LYPD1: variants seen among roughly 807,000 people sequenced by gnomAD.
LYPD1 encodes the protein LY6/PLAUR domain containing 1.
A neutral mutation model predicts 14.2 loss-of-function variants in LYPD1; 14 were observed. The ratio of observed to expected loss-of-function variants is 0.99; its 90% CI spans 0.65 to 1.54. The LOEUF is 1.54. LYPD1 is among the 40% of genes most tolerant of loss of function. LYPD1 has a pLI of 0.00. For missense variants in LYPD1, 165 were observed against 175.7 expected (o/e 0.94, Z 0.34); for synonymous variants, 85 against 70.6 (o/e 1.20, Z -1.02).
At chr2:132,652,780 G>T (rs562528954) in intron 2 of LYPD1, among the ~76,000 whole-genome samples, 2 of 152,208 alleles carry the variant, frequency 1.3e-5, no homozygotes, top group Non-Finnish European at 2.9e-5. Context: ...AGGGGTAATG[G>T]CCTCCTGGGG....
rs1347585774 is a variant in LYPD1, at chr2:132,643,647, C to A, written c.*2398G>T. On this transcript the variant is annotated 3_prime_UTR_variant, in exon 3 of 3. Transcript: ENST00000397463. ...TCCCGCCTCAGCCCCCAAAAAGTATCTGAGACCACAGGTGTGTATGTACCA... is the reference window on the plus strand; with the variant it reads ...TCCCGCCTCAGCCCCCAAAAAGTATATGAGACCACAGGTGTGTATGTACCA... Among the ~76,000 whole-genome samples, 1 of 152,174 alleles carries A rather than the reference C, an allele frequency of 6.6e-6. No individual in the cohort carries two copies. The highest frequency in any genetic ancestry group is 1.5e-5 in the Non-Finnish European group (1 of 68,034).
At chr2:132,660,520 T>C (rs1430053617) in intron 2 of LYPD1, 1 of 152,218 alleles carries the variant, frequency 6.6e-6, no homozygotes, top group East Asian at 1.9e-4. Flanking sequence ...ACAAGTCAAA[T>C]TCTAGAAAGA....
rs756479571 is a variant in LYPD1 at position 132,646,204 on chromosome 2, G to A, written c.267C>T (p.Ser89=). Residue 89 remains serine (S), a synonymous_variant, in exon 3 of 3, where the codon TCC becomes TCT. Coordinates refer to ENST00000397463, the MANE Select transcript of LYPD1 (RefSeq NM_144586.7). ...TGCAAACTGAGTTCAGTTTCCCTGG[G>A]GAGCAGAAGGACTGGTACCCGGCAG... ...IASAGYQSFC[S]PGKLNSVCIS... 19 of 1,606,838 alleles carry A rather than the reference G, an allele frequency of 1.2e-5. No homozygotes were observed. The African/African-American group carries it at 1.7e-4, about 15-fold the overall frequency.
chr2:132,663,799 C>A (rs553246141), intron 2 of LYPD1, among the ~76,000 whole-genome samples: 1 of 151,938 alleles, frequency 6.6e-6, no homozygotes, highest in Non-Finnish European at 1.5e-5. Context: ...AAATGGAGGA[C>A]GCTGGAAGAT....
intron 2 of LYPD1, among the ~76,000 whole-genome samples, chr2:132,654,631 T>C (rs371863433): frequency 1.4e-4 from 21 of 152,276 alleles, no homozygotes; most frequent in African/African-American, 5.1e-4. Flanking sequence ...CTGGTTTTCA[T>C]TGTGATGGGA....
At position 132,645,284 on chromosome 2, in the gene LYPD1, C is replaced by T. The variant is rs140279287; in HGVS notation, c.*761G>A. 3.1e-6 allele frequency: 5 copies of T among 1,614,246 alleles called. No individual in the cohort carries two copies. Among genetic ancestry groups the T allele is most frequent in the African/African-American group, 1.3e-5 (1 of 75,070 alleles). On this transcript the variant is annotated 3_prime_UTR_variant, in exon 3 of 3. Coordinates refer to ENST00000397463, the MANE Select transcript of LYPD1 (RefSeq NM_144586.7). The stretch of plus-strand genomic sequence containing the variant: ...ATCAACCCGCTCCTGTACACGGTGT[C>T]CTCGCAGCAGTTTCGGCGGGTGTTC...
rs780855993 is a variant in LYPD1, at chr2:132,669,964, A to G, written c.-32T>C. The G allele has an allele frequency of 5.0e-6, 8 of 1,609,514 alleles. 1 individual carries two copies. Among genetic ancestry groups the G allele is most frequent in the Non-Finnish European group, 6.8e-6 (8 of 1,178,940 alleles). Reference sequence around the variant, plus strand: ...GGAGTCCCGGGGCCGGGAGAGGGCAAGCGCATCAGAGGAGGCGACAGCAGC... The same window carrying G: ...GGAGTCCCGGGGCCGGGAGAGGGCAGGCGCATCAGAGGAGGCGACAGCAGC... On this transcript the variant is annotated 5_prime_UTR_variant, in exon 1 of 3. Transcript: ENST00000397463. The surrounding 1 kb of genome is among the most constrained non-coding windows in gnomAD (Gnocchi z 4.3).
intron 2 of LYPD1, among the ~76,000 whole-genome samples, chr2:132,655,178 T>C (rs1266954746): frequency 2.0e-5 from 3 of 152,136 alleles, no homozygotes; most frequent in Non-Finnish European, 4.4e-5. Context: ...AAACAGGTAT[T>C]CTGCCCTGCT....
At chr2:132,652,825 G>C (rs1034098686) in intron 2 of LYPD1, among the ~76,000 whole-genome samples, 8 of 152,164 alleles carry the variant, frequency 5.3e-5, no homozygotes, top group Non-Finnish European at 1.2e-4. Context: ...ATGCGTGCTT[G>C]CTTTAAAAAT....
At chr2:132,657,084 TTTGA>T (rs1490578543) in intron 2 of LYPD1, among the ~76,000 whole-genome samples, 3 of 152,248 alleles carry the variant, frequency 2.0e-5, no homozygotes, top group African/African-American at 7.2e-5. Context: ...TTCAGAGGAC[TTTGA>T]TTACCCTTTT....
chr2:132,671,391 C>A (rs181714057), upstream of LYPD1: 951 of 152,608 alleles, frequency 6.2e-3, 12 homozygotes, highest in African/African-American at 0.021. Context: ...CCTTTTCTCC[C>A]CCGGCCACTT....
intron 2 of LYPD1, among the ~76,000 whole-genome samples, chr2:132,653,361 G>A (rs1363839500): frequency 6.6e-6 from 1 of 152,174 alleles, no homozygotes; most frequent in African/African-American, 2.4e-5. Context: ...GGAGCAATTT[G>A]AGCAACAAAA....
rs1481298943 is a variant in LYPD1, at chr2:132,644,230, ATG to A, written c.*1813_*1814del. Among the ~76,000 whole-genome samples, 1 of 152,218 alleles carries A rather than the reference ATG, an allele frequency of 6.6e-6. No homozygotes were observed. Among genetic ancestry groups the A allele is most frequent in the East Asian group, 1.9e-4 (1 of 5,202 alleles). On this transcript the variant is annotated 3_prime_UTR_variant, in exon 3 of 3. Coordinates refer to ENST00000397463, the MANE Select transcript of LYPD1 (RefSeq NM_144586.7). Reference sequence around the variant, plus strand: ...TGGTTACTTAAGTTGGAATACAAATATGTGGGCATGCAAACAAATGTACATGC... The same window carrying A: ...TGGTTACTTAAGTTGGAATACAAATATGGGCATGCAAACAAATGTACATGC...
rs939747309 is a variant in LYPD1, at chr2:132,669,344, T to C, written c.52+537A>G. 6.6e-6 allele frequency among the ~76,000 whole-genome samples: 1 copy of C among 151,532 alleles called. No individual in the cohort carries two copies. Among genetic ancestry groups the C allele is most frequent in the African/African-American group, 2.4e-5 (1 of 41,162 alleles). On this transcript the variant is annotated intron_variant, in intron 1 of 2. Coordinates refer to ENST00000397463, the MANE Select transcript of LYPD1 (RefSeq NM_144586.7). This position sits in a 1 kb window ranked among gnomAD's most constrained non-coding sequence, Gnocchi z 4.3. ...AACTGGAGAGAGGACGCGAGACCTT[T>C]GCGCCTCTGGACGCTTCGGCCTGGC...
At chr2:132,647,699 G>A (rs1380227299) in intron 2 of LYPD1, among the ~76,000 whole-genome samples, 1 of 152,164 alleles carries the variant, frequency 6.6e-6, no homozygotes, top group Non-Finnish European at 1.5e-5. Context: ...ACTAAAGCTA[G>A]ACTTAGAATT....
chr2:132,648,631 G>A (rs1682239559), intron 2 of LYPD1, among the ~76,000 whole-genome samples: 1 of 152,172 alleles, frequency 6.6e-6, no homozygotes, highest in African/African-American at 2.4e-5. Context: ...ATGAAGAGAT[G>A]GACTAACAGA....
At chr2:132,651,216 T>C (rs1682348810) in intron 2 of LYPD1, among the ~76,000 whole-genome samples, 1 of 152,146 alleles carries the variant, frequency 6.6e-6, no homozygotes, top group Non-Finnish European at 1.5e-5. Flanking sequence ...ATGACGTAAA[T>C]AAACACCCGC....
rs563244879 is a variant in LYPD1 at position 132,644,794 on chromosome 2, G to A, written c.*1251C>T. 2.4e-4 allele frequency: 76 copies of A among 316,864 alleles called. No individual in the cohort carries two copies. The highest frequency in any genetic ancestry group is 1.1e-3 in the African/African-American group (51 of 46,106). The allele number at this position is 316,864 out of a possible 1,614,324, so 19.6% of individuals were successfully genotyped here. Reference sequence around the variant, plus strand: ...ATAACATGAACTGCTTTCTGGATACGCAAACAAACACCAATGAAAACATTT... The same window carrying A: ...ATAACATGAACTGCTTTCTGGATACACAAACAAACACCAATGAAAACATTT... On this transcript the variant is annotated 3_prime_UTR_variant, in exon 3 of 3. Transcript: ENST00000397463.
intron 2 of LYPD1, among the ~76,000 whole-genome samples, chr2:132,662,611 G>T (rs1683017748): frequency 6.6e-6 from 1 of 151,988 alleles, no homozygotes; most frequent in Non-Finnish European, 1.5e-5. Flanking sequence ...GAGAGGGAGG[G>T]CAGGCAAGGG....
Sources: gnomAD v4.1 joint callset for allele counts (sites outside exome capture counted in the v4.1 genomes callset) on GRCh38, gnomAD v4.1.1 for gene constraint, Gnocchi (gnomAD v3.1) non-coding constraint, MANE v1.5 for transcripts, NCBI Gene and HGNC (gene_info 2026-07-23, HGNC 2026-07-21) for gene names.